Variants in DMXL1 observed in about 807,000 individuals in gnomAD.
DMXL1 encodes the protein dmX-like protein 1.
In DMXL1, 99 loss-of-function variants were observed where a neutral mutation model predicts 319.2. The observed-to-expected ratio is 0.31, with a 90% confidence interval of 0.26 to 0.37. The LOEUF (loss-of-function observed/expected upper bound fraction) is 0.37. Among genes scored for constraint, DMXL1 ranks in the 10% least tolerant of loss-of-function variants. The pLI, the probability that DMXL1 is intolerant of heterozygous loss-of-function variation, is 1.00. For missense variants in DMXL1, 3,745 were observed against 3,595.6 expected, an observed-to-expected ratio of 1.04 and a Z score of -1.06; for synonymous variants, 1,385 against 1,235.2, an observed-to-expected ratio of 1.12 and a Z score of -2.54.
At position 119,148,912 on chromosome 5, in the gene DMXL1, C is replaced by T; in HGVS notation, c.3085C>T (p.Leu1029Phe). 6.2e-7 allele frequency: 1 copy of T among 1,613,840 alleles called. No individual in the cohort carries two copies. The highest frequency in any genetic ancestry group is 8.5e-7 in the Non-Finnish European group (1 of 1,179,816). Residue 1029 changes from leucine (L) to phenylalanine (F), a missense_variant, in exon 18 of 44, where the codon CTT (leucine) becomes TTT (phenylalanine). By Grantham distance (22) the Leu-to-Phe change is conservative (BLOSUM62 0). This residue lies in a region of DMXL1 where 2,096 missense variants were observed against 1,985.4 expected (regional missense o/e 1.06). Coordinates refer to ENST00000539542, the MANE Select transcript of DMXL1 (RefSeq NM_001290321.3). ...ATACATTTGGGAAGAATGGCCATTA[C>T]TTATTGAAGATGGACTTCAGAGCAA... is the stretch of plus-strand genomic sequence containing the variant. ...LAYIWEEWPL[L>F]IEDGLQSNSS...
Position 119,092,201 on chromosome 5 carries a change from A to G in DMXL1, c.88-5778A>G, listed in dbSNP as rs759482873. On this transcript the variant is annotated intron_variant, in intron 1 of 43. Coordinates refer to ENST00000539542, the MANE Select transcript of DMXL1 (RefSeq NM_001290321.3). Reference sequence around the variant, plus strand: ...TGGCCCCAGGAACTGTCTTGTCTTCATATGTGAGTTCTGGGTTATTTCTGG... The same window carrying G: ...TGGCCCCAGGAACTGTCTTGTCTTCGTATGTGAGTTCTGGGTTATTTCTGG... Among the ~76,000 whole-genome samples, 7 of 151,982 alleles carry G rather than the reference A, an allele frequency of 4.6e-5. 1 individual carries two copies. Among genetic ancestry groups the G allele is most frequent in the Admixed American group, 1.3e-4 (2 of 15,258 alleles).
chr5:119,117,920 A>G (rs1381964996), intron 7 of DMXL1, among the ~76,000 whole-genome samples: 1 of 152,170 alleles, frequency 6.6e-6, no homozygotes, highest in East Asian at 1.9e-4. Context: ...AAACCTGCTG[A>G]TTGTTCCGTT....
intron 1 of DMXL1, among the ~76,000 whole-genome samples, chr5:119,075,397 G>A (rs1458668899): frequency 6.6e-6 from 1 of 151,662 alleles, no homozygotes; most frequent in Non-Finnish European, 1.5e-5. Context: ...ACACCACCAC[G>A]CCCAGCTAAT....
Position 119,116,217 on chromosome 5 carries a change from T to A in DMXL1, c.624T>A (p.Ser208=). ...AAAACTGGCGGACAGCTGTTACTTC[T>A]CCAGATGGAAGTTCAGAAAAACAAT... The part of the protein sequence containing the change: ...NVENWRTAVT[S]PDGSSEKQSQ... The change falls in exon 7 of 44, where the codon TCT becomes TCA. Residue 208 remains serine, a synonymous_variant. Coordinates refer to ENST00000539542, the MANE Select transcript of DMXL1 (RefSeq NM_001290321.3). 6.2e-7 allele frequency: 1 copy of A among 1,614,096 alleles called. No individual in the cohort carries two copies. Among genetic ancestry groups the A allele is most frequent in the Non-Finnish European group, 8.5e-7 (1 of 1,179,990 alleles).
intron 37 of DMXL1, 34 bp downstream of exon 37, chr5:119,221,115 GT>G (rs748634735): frequency 4.7e-6 from 7 of 1,495,492 alleles, no homozygotes; most frequent in South Asian, 2.5e-5. Flanking sequence ...TAAGTTATAT[GT>G]AACTTTTATT....
intron 1 of DMXL1, among the ~76,000 whole-genome samples, chr5:119,096,186 T>TG (rs1755914545): frequency 6.6e-6 from 1 of 151,960 alleles, no homozygotes; most frequent in Non-Finnish European, 1.5e-5. Flanking sequence ...AATTTTTTTT[T>TG]TTTTTTTGAG....
intron 2 of DMXL1, among the ~76,000 whole-genome samples, 186 bp from the exon 3 acceptor site, chr5:119,101,749 G>T (rs542488415): frequency 6.6e-6 from 1 of 152,126 alleles, no homozygotes; most frequent in African/African-American, 2.4e-5. Flanking sequence ...GCTAGTTAAC[G>T]TAGTAAGTTG....
At chr5:119,129,175 T>C (rs1229517596) in intron 9 of DMXL1, 36 bp from the exon 10 acceptor site, 2 of 1,372,330 alleles carry the variant, frequency 1.5e-6, no homozygotes, top group Non-Finnish European at 2.0e-6. Context: ...TGCTAGAAGG[T>C]AAAAATTTTA....
At position 119,212,655 on chromosome 5, in the gene DMXL1, T is replaced by G. The variant is rs1043082373; in HGVS notation, c.7927-4246T>G. Among the ~76,000 whole-genome samples the G allele has an allele frequency of 5.1e-4, 78 of 152,220 alleles. 3 individuals carry two copies. Among genetic ancestry groups the G allele is most frequent in the Admixed American group, 6.5e-5 (1 of 15,288 alleles). ...TCTCTTTTAGCGTTAATATTTGGAT[T>G]CTTTTTTCTTCACATGTCCAGCCCA... On this transcript the variant is annotated intron_variant, in intron 34 of 43. Coordinates refer to ENST00000539542, the MANE Select transcript of DMXL1 (RefSeq NM_001290321.3).
chr5:119,222,223 A>G (rs144113879), intron 37 of DMXL1, among the ~76,000 whole-genome samples: 38 of 152,288 alleles, frequency 2.5e-4, no homozygotes, highest in African/African-American at 8.7e-4. Flanking sequence ...CATTCTTCAG[A>G]TGAAGCTTGA....
chr5:119,091,072 C>T (rs2149743743), intron 1 of DMXL1, among the ~76,000 whole-genome samples: 1 of 152,052 alleles, frequency 6.6e-6, no homozygotes, highest in Non-Finnish European at 1.5e-5. Context: ...TTTGTCTTAT[C>T]TTAGAGATGA....
chr5:119,233,449 T>C lies in DMXL1; in HGVS notation c.8448T>C (p.Phe2816=), dbSNP rs1787151157. ...ATTCAAGAGTTACAAGAATGAGATTTAACTATCAGGGAAATAAGGTATTAT... is the reference window on the plus strand; with the variant it reads ...ATTCAAGAGTTACAAGAATGAGATTCAACTATCAGGGAAATAAGGTATTAT... ...GGNSRVTRMR[F]NYQGNKFGIV... Residue 2816 remains phenylalanine (F), a synonymous_variant, in exon 39 of 44, where the codon TTT becomes TTC. Transcript: ENST00000539542. The C allele has an allele frequency of 1.2e-6, 2 of 1,610,988 alleles. No individual in the cohort carries two copies. The highest frequency in any genetic ancestry group is 1.7e-6 in the Non-Finnish European group (2 of 1,177,624).
intron 41 of DMXL1, among the ~76,000 whole-genome samples, chr5:119,239,606 A>C (rs1788385944): frequency 6.6e-6 from 1 of 152,210 alleles, no homozygotes; most frequent in Non-Finnish European, 1.5e-5. Flanking sequence ...TTGTAAACGC[A>C]TGTTAATCTA....
chr5:119,246,010 A>G (rs1252373385), intron 43 of DMXL1, among the ~76,000 whole-genome samples: 1 of 152,206 alleles, frequency 6.6e-6, no homozygotes, highest in Non-Finnish European at 1.5e-5. Context: ...AACGTTTAGA[A>G]AAATGATCTC....
At chr5:119,120,311 C>A (rs1041560732) in intron 8 of DMXL1, among the ~76,000 whole-genome samples, 1 of 152,206 alleles carries the variant, frequency 6.6e-6, no homozygotes, top group East Asian at 1.9e-4. Flanking sequence ...ATAATAAATT[C>A]TGTATTGATT....
chr5:119,077,173 T>C (rs941371928), intron 1 of DMXL1, among the ~76,000 whole-genome samples: 1 of 144,060 alleles, frequency 6.9e-6, no homozygotes, highest in Non-Finnish European at 1.5e-5. Flanking sequence ...ATTTTATTTT[T>C]TTGAGGCAGG....
At chr5:119,215,543 C>G (rs557042647) in intron 34 of DMXL1, among the ~76,000 whole-genome samples, 1 of 151,864 alleles carries the variant, frequency 6.6e-6, no homozygotes, top group African/African-American at 2.4e-5. Flanking sequence ...GTACTTTTCT[C>G]CATGTTGGCC....
At chr5:119,119,727 T>A (rs1321103856) in intron 8 of DMXL1, among the ~76,000 whole-genome samples, 1 of 151,988 alleles carries the variant, frequency 6.6e-6, no homozygotes, top group Non-Finnish European at 1.5e-5. Context: ...CCAGGGCTGG[T>A]CTCGAACTCT....
chr5:119,080,290 T>C (rs950037965), intron 1 of DMXL1, among the ~76,000 whole-genome samples: 4 of 152,176 alleles, frequency 2.6e-5, no homozygotes, highest in Non-Finnish European at 4.4e-5. Context: ...GAGGTTGCAG[T>C]GAGCCAAGAT....
Sources: gnomAD v4.1 joint callset for allele counts (sites outside exome capture counted in the v4.1 genomes callset) on GRCh38, gnomAD v4.1.1 for gene constraint, gnomAD v4.1.1 regional missense constraint, MANE v1.5 for transcripts, NCBI Gene and HGNC (gene_info 2026-07-23, HGNC 2026-07-21) for gene names.